The following PRDM16 variants were observed in gnomAD, a reference collection of about 807,000 sequenced individuals.
The protein encoded by PRDM16 is PR/SET domain 16.
In PRDM16, 23 loss-of-function variants were observed where a neutral mutation model predicts 110.6. That is an observed-to-expected ratio of 0.21 (90% confidence interval 0.15 to 0.29). The LOEUF (loss-of-function observed/expected upper bound fraction) is 0.29, where lower values mean the gene tolerates loss of function less well. Among genes scored for constraint, PRDM16 ranks in the 10% least tolerant of loss-of-function variants. The pLI is 1.00. For synonymous variants in PRDM16, 799 were observed against 781.8 expected (o/e 1.02, Z -0.37); for missense variants, 1,615 against 1,794.3 (o/e 0.90, Z 1.81).
At chr1:3,267,301 A>G (rs571157894) in intron 3 of PRDM16, among the ~76,000 whole-genome samples, 21 of 152,312 alleles carry the variant, frequency 1.4e-4, no homozygotes, top group Admixed American at 1.2e-3. Context: ...TTCACTGAAC[A>G]TAATGTTTTC....
Position 3,306,430 on chromosome 1 carries a change from T to A in PRDM16, c.438+62293T>A, listed in dbSNP as rs572181515. ...CCCTCTCAACAGGAAGACTTGATCG[T>A]CTGGAAGAACTCAGGTGCTGACAGG... On this transcript the variant is annotated intron_variant, in intron 3 of 16. Transcript: ENST00000270722. 2.0e-5 allele frequency among the ~76,000 whole-genome samples: 3 copies of A among 152,308 alleles called. No homozygotes were observed. The East Asian group carries it at 5.8e-4, about 29-fold the overall frequency.
chr1:3,227,226 G>C (rs1639308468), intron 2 of PRDM16, among the ~76,000 whole-genome samples: 1 of 152,246 alleles, frequency 6.6e-6, no homozygotes, highest in South Asian at 2.1e-4. Context: ...AGGACCTGCA[G>C]CTCACACACC....
At chr1:3,140,504 A>G (rs1643528503) in intron 1 of PRDM16, among the ~76,000 whole-genome samples, 1 of 152,042 alleles carries the variant, frequency 6.6e-6, no homozygotes, top group South Asian at 2.1e-4. Context: ...GGCCCCGACC[A>G]TGGTTTCCAC....
At chr1:3,092,421 G>A (rs1377435395) in intron 1 of PRDM16, among the ~76,000 whole-genome samples, 4 of 152,234 alleles carry the variant, frequency 2.6e-5, no homozygotes, top group South Asian at 4.1e-4. Flanking sequence ...TGCAGGCACC[G>A]AGTGCCACCA....
At position 3,350,401 on chromosome 1, in the gene PRDM16, C is replaced by T. The variant is rs954929620; in HGVS notation, c.439-34751C>T. On this transcript the variant is annotated intron_variant, in intron 3 of 16. Coordinates refer to ENST00000270722, the MANE Select transcript of PRDM16 (RefSeq NM_022114.4). This position sits in a 1 kb window ranked among gnomAD's most constrained non-coding sequence, Gnocchi z 7.1. ...CCTCCAACCTGGGCACCCTTGAAGC[C>T]ACCCCCTCTTTCCCTCCTGGGCTCT... Among the ~76,000 whole-genome samples, 3 of 152,112 alleles carry T rather than the reference C, an allele frequency of 2.0e-5. No homozygotes were observed. The highest frequency in any genetic ancestry group is 2.0e-4 in the Admixed American group (3 of 15,278).
intron 2 of PRDM16, among the ~76,000 whole-genome samples, chr1:3,230,448 C>T (rs1375861861): frequency 1.3e-5 from 2 of 152,336 alleles, no homozygotes; most frequent in East Asian, 3.9e-4. Flanking sequence ...AGAGACCCTT[C>T]CCCATCCCAG....
chr1:3,097,601 C>T (rs569765917), intron 1 of PRDM16, among the ~76,000 whole-genome samples: 1 of 152,364 alleles, frequency 6.6e-6, no homozygotes, highest in South Asian at 2.1e-4. Flanking sequence ...CCAGTGACCC[C>T]TCCTGGCCCT....
At chr1:3,302,226 C>T (rs183000139) in intron 3 of PRDM16, among the ~76,000 whole-genome samples, 6 of 152,048 alleles carry the variant, frequency 3.9e-5, no homozygotes, top group East Asian at 1.9e-4. Context: ...CAGGCGTCTC[C>T]GAGATTTCCC....
chr1:3,315,054 C>G (rs1641568261), intron 3 of PRDM16, among the ~76,000 whole-genome samples: 1 of 151,428 alleles, frequency 6.6e-6, no homozygotes, highest in African/African-American at 2.4e-5. Flanking sequence ...TGGGAAAGCC[C>G]CGCTCCTCGA....
intron 1 of PRDM16, among the ~76,000 whole-genome samples, chr1:3,173,697 A>G (rs1275083337): frequency 6.6e-6 from 1 of 152,220 alleles, no homozygotes; most frequent in Non-Finnish European, 1.5e-5. Flanking sequence ...TCCCCTTGGC[A>G]GCGGATGTGC....
At chr1:3,158,826 T>C (rs1643877711) in intron 1 of PRDM16, among the ~76,000 whole-genome samples, 1 of 150,938 alleles carries the variant, frequency 6.6e-6, no homozygotes, top group Non-Finnish European at 1.5e-5. Flanking sequence ...CAGGCTGGAG[T>C]ACAGTGTCCT....
intron 2 of PRDM16, among the ~76,000 whole-genome samples, chr1:3,193,645 T>C (rs1001247909): frequency 6.6e-6 from 1 of 152,136 alleles, no homozygotes; most frequent in Non-Finnish European, 1.5e-5. Flanking sequence ...TTCTGAGAAG[T>C]GCGCCCACCC....
At position 3,186,285 on chromosome 1, in the gene PRDM16, G is replaced by T. The variant is rs377760808; in HGVS notation, c.198G>T (p.Ser66=). Residue 66 remains serine, a synonymous_variant, in exon 2 of 17, where the codon TCG becomes TCT. Transcript: ENST00000270722. ...AGGACTTCACCCCCAAGGAGGGCTCGCCGTACGAGGCCCCTGTCTACATTC... is the reference window on the plus strand; with the variant it reads ...AGGACTTCACCCCCAAGGAGGGCTCTCCGTACGAGGCCCCTGTCTACATTC... ...TSEDFTPKEG[S]PYEAPVYIPE... The T allele has an allele frequency of 1.2e-6, 2 of 1,611,304 alleles. No individual in the cohort carries two copies. The highest frequency in any genetic ancestry group is 1.7e-6 in the Non-Finnish European group (2 of 1,179,198).
intron 3 of PRDM16, among the ~76,000 whole-genome samples, chr1:3,341,042 G>T (rs767778938): frequency 6.9e-6 from 1 of 145,800 alleles, no homozygotes. Context: ...AACCCCGCAC[G>T]CTCCTTGGCC....
At chr1:3,111,861 C>T (rs1490304793) in intron 1 of PRDM16, among the ~76,000 whole-genome samples, 3 of 152,226 alleles carry the variant, frequency 2.0e-5, no homozygotes, top group African/African-American at 4.8e-5. Context: ...ACTCCCCAGC[C>T]CGCCCTTTGA....
chr1:3,209,715 C>T lies in PRDM16; in HGVS notation c.387+23241C>T, dbSNP rs1040763862. Among the ~76,000 whole-genome samples the T allele has an allele frequency of 1.3e-5, 2 of 152,288 alleles. No individual in the cohort carries two copies. The highest frequency in any genetic ancestry group is 4.2e-4 in the South Asian group (2 of 4,818). ...CGGCCACCAGGAACCACAGCCCTCC[C>T]GCCCCCCACAGAGCCCCTTCCCTGA... is the stretch of plus-strand genomic sequence containing the variant. On this transcript the variant is annotated intron_variant, in intron 2 of 16. Transcript: ENST00000270722. This position sits in a 1 kb window ranked among gnomAD's most constrained non-coding sequence, Gnocchi z 4.6.
intron 3 of PRDM16, among the ~76,000 whole-genome samples, chr1:3,287,997 C>T (rs1569999526): frequency 6.6e-6 from 1 of 152,256 alleles, no homozygotes; most frequent in African/African-American, 2.4e-5. Flanking sequence ...CAGGCAGAGC[C>T]CTGGGCTCAG....
intron 4 of PRDM16, chr1:3,386,763 A>T (rs1270518605): frequency 6.6e-6 from 1 of 152,208 alleles, no homozygotes; most frequent in Admixed American, 6.5e-5. Context: ...TCAGATTTGC[A>T]GAGTGTGTCC....
intron 2 of PRDM16, among the ~76,000 whole-genome samples, chr1:3,236,172 T>C (rs1026407313): frequency 3.3e-5 from 5 of 152,050 alleles, no homozygotes; most frequent in Non-Finnish European, 5.9e-5. Context: ...CCCGAGGTGC[T>C]AGAGGCAGAG....
Sources: allele counts gnomAD v4.1 joint callset (sites outside exome capture counted in the v4.1 genomes callset), GRCh38; gene constraint gnomAD v4.1.1; non-coding constraint Gnocchi (gnomAD v3.1); transcripts MANE v1.5; gene names NCBI Gene and HGNC (gene_info 2026-07-23, HGNC 2026-07-21).